SORCS3: variants seen among roughly 807,000 people sequenced by gnomAD.
The protein encoded by SORCS3 is sortilin related VPS10 domain containing receptor 3.
In SORCS3, 57 loss-of-function variants were observed where a neutral mutation model predicts 146.3. The ratio of observed to expected loss-of-function variants is 0.39; its 90% CI spans 0.31 to 0.49. The LOEUF (loss-of-function observed/expected upper bound fraction) is 0.49, where lower values mean the gene tolerates loss of function less well. Among genes scored for constraint, SORCS3 ranks in the 20% least tolerant of loss-of-function variants. The pLI, the probability that SORCS3 is intolerant of heterozygous loss-of-function variation, is 0.92. For synonymous variants in SORCS3, 653 were observed against 618.5 expected, an observed-to-expected ratio of 1.06 and a Z score of -0.83; for missense variants, 1,341 against 1,575.5, an observed-to-expected ratio of 0.85 and a Z score of 2.52.
chr10:104,655,638 G>C (rs537596496), intron 1 of SORCS3, among the ~76,000 whole-genome samples: 6 of 152,274 alleles, frequency 3.9e-5, no homozygotes, highest in Admixed American at 3.9e-4. Context: ...TTGGAGGTGG[G>C]GCTTGGTGGG....
intron 2 of SORCS3, among the ~76,000 whole-genome samples, chr10:104,879,652 G>T (rs959840755): frequency 6.6e-6 from 1 of 152,178 alleles, no homozygotes; most frequent in African/African-American, 2.4e-5. Context: ...GACTGCCTTT[G>T]TGCAAGCCAG....
rs2056140401 is a variant in SORCS3 at position 105,147,627 on chromosome 10, T to A, written c.1313T>A (p.Ile438Asn). 1 of 1,608,916 alleles carries A rather than the reference T, an allele frequency of 6.2e-7. No individual in the cohort carries two copies. The highest frequency in any genetic ancestry group is 1.3e-5 in the African/African-American group (1 of 74,666). The change falls in exon 9 of 27, where the codon ATC becomes AAC. Residue 438 changes from isoleucine to asparagine, a missense_variant. By Grantham distance (149) the Ile-to-Asn change is moderately radical. Transcript: ENST00000369701. ...PKYSLPKDMHIISTDENQVFA... is the reference protein window; with the variant it reads ...PKYSLPKDMHNISTDENQVFA... ...TCCATCTTCTTTCAGGACATGCACA[T>A]CATCAGTACAGACGAGAACCAAGTA...
chr10:105,164,228 T>A (rs2119518313), intron 11 of SORCS3, 75 bp from the exon 12 acceptor site: 1 of 1,076,702 alleles, frequency 9.3e-7, no homozygotes, highest in African/African-American at 1.6e-5. Flanking sequence ...TACTCTCTGC[T>A]CCCCCATCCC....
intron 4 of SORCS3, among the ~76,000 whole-genome samples, chr10:105,026,501 G>A (rs1490281446): frequency 2.6e-5 from 4 of 152,162 alleles, no homozygotes; most frequent in East Asian, 1.9e-4. Flanking sequence ...AAAATAAATT[G>A]TTCTACCAAA....
intron 1 of SORCS3, among the ~76,000 whole-genome samples, chr10:104,655,009 T>C (rs747947921): frequency 2.0e-5 from 3 of 152,124 alleles, no homozygotes; most frequent in Non-Finnish European, 4.4e-5. Flanking sequence ...TCCCAGCAGT[T>C]TGGGAGACCA....
In SORCS3 at chr10:104,830,885, C is replaced by T. The variant is rs115184922; in HGVS notation, c.628-11907C>T. On this transcript the variant is annotated intron_variant, in intron 1 of 26. Coordinates refer to ENST00000369701, the MANE Select transcript of SORCS3 (RefSeq NM_014978.3). ...GGAGTGCAGTGGTGCGAATGCAGCTCACTACAGCCTTGACCTCCTGGGCTC... is the reference window on the plus strand; with the variant it reads ...GGAGTGCAGTGGTGCGAATGCAGCTTACTACAGCCTTGACCTCCTGGGCTC... Among the ~76,000 whole-genome samples, 618 of 152,266 alleles carry T rather than the reference C, an allele frequency of 4.1e-3. 6 individuals are homozygous for T. Among genetic ancestry groups the T allele is most frequent in the African/African-American group, 0.015 (606 of 41,560 alleles).
chr10:105,091,285 T>TTCCTTCCTTCCTTCCC (rs1465214359), intron 6 of SORCS3, among the ~76,000 whole-genome samples: 1 of 36,814 alleles, frequency 2.7e-5, no homozygotes, highest in Non-Finnish European at 5.9e-5. Context: ...CCTTCCTTGC[T>TTCCTTCCTTCCTTCCC]TCCTTCCTTC....
At chr10:104,689,835 C>T (rs1390347210) in intron 1 of SORCS3, among the ~76,000 whole-genome samples, 3 of 152,170 alleles carry the variant, frequency 2.0e-5, no homozygotes, top group Non-Finnish European at 2.9e-5. Flanking sequence ...AAAAGGAATT[C>T]CAGCTCGGGA....
intron 1 of SORCS3, among the ~76,000 whole-genome samples, chr10:104,644,545 A>G (rs2015468405): frequency 6.6e-6 from 1 of 152,214 alleles, no homozygotes. Flanking sequence ...AAGGTGTTGT[A>G]AATAAAAGCC....
At chr10:104,986,032 T>G (rs2054960275) in intron 4 of SORCS3, among the ~76,000 whole-genome samples, 1 of 152,224 alleles carries the variant, frequency 6.6e-6, no homozygotes, top group Non-Finnish European at 1.5e-5. Flanking sequence ...TCTTCCGTCC[T>G]TTGAAGCTTT....
intron 5 of SORCS3, among the ~76,000 whole-genome samples, chr10:105,064,945 A>G (rs1329598221): frequency 2.0e-5 from 3 of 152,216 alleles, no homozygotes; most frequent in South Asian, 4.1e-4. Context: ...AATCAAGTTG[A>G]CATGTAAAAT....
At chr10:104,652,969 T>C (rs1241679849) in intron 1 of SORCS3, among the ~76,000 whole-genome samples, 1 of 152,236 alleles carries the variant, frequency 6.6e-6, no homozygotes, top group Non-Finnish European at 1.5e-5. Flanking sequence ...CATGTGCTAA[T>C]TGGAGCATGC....
chr10:104,885,838 T>C (rs1443308621), intron 2 of SORCS3, among the ~76,000 whole-genome samples: 1 of 152,178 alleles, frequency 6.6e-6, no homozygotes, highest in African/African-American at 2.4e-5. Flanking sequence ...TTTCATAATC[T>C]GAAGCTGAAT....
rs78513680 is a variant in SORCS3 at position 105,052,685 on chromosome 10, T to A, written c.1028+9557T>A. On this transcript the variant is annotated intron_variant, in intron 5 of 26. Transcript: ENST00000369701. ...AGTTGAATAGGTTGGTGGTGATGAGTTGTTCACTTCCATGAGCAGGAATAG... is the reference window on the plus strand; with the variant it reads ...AGTTGAATAGGTTGGTGGTGATGAGATGTTCACTTCCATGAGCAGGAATAG... Among the ~76,000 whole-genome samples the A allele has an allele frequency of 8.4e-3, 1,284 of 152,010 alleles. 16 individuals carry two copies. Among genetic ancestry groups the A allele is most frequent in the African/African-American group, 0.029 (1,203 of 41,462 alleles).
At chr10:105,055,046 A>G (rs1255737216) in intron 5 of SORCS3, among the ~76,000 whole-genome samples, 4 of 152,148 alleles carry the variant, frequency 2.6e-5, no homozygotes, top group Non-Finnish European at 5.9e-5. Flanking sequence ...ATTTTTTTCA[A>G]TATCCAGTTT....
chr10:105,004,014 TAC>T, intron 4 of SORCS3, among the ~76,000 whole-genome samples: 1 of 151,284 alleles, frequency 6.6e-6, no homozygotes, highest in Non-Finnish European at 1.5e-5. Flanking sequence ...TTTTTTTTTT[TAC>T]CAGAGAAGAT....
At chr10:105,079,811 T>A (rs1034016428) in intron 5 of SORCS3, among the ~76,000 whole-genome samples, 1 of 152,218 alleles carries the variant, frequency 6.6e-6, no homozygotes. Flanking sequence ...CATGTGGCAT[T>A]TGTTTTTCTG....
In SORCS3 at chr10:104,641,677, G is replaced by T; in HGVS notation, c.350G>T (p.Arg117Leu). The change falls in exon 1 of 27, where the codon CGG (arginine) becomes CTG (leucine). Residue 117 changes from arginine to leucine, a missense_variant. Transcript: ENST00000369701. The surrounding 1 kb of genome is among the most constrained non-coding windows in gnomAD (Gnocchi z 6.4). Reference sequence around the variant, plus strand: ...TCACCGGCAGGCGAGCGGCGGGGCCGGGGCATCCCAGCTCCTGCCAAGCTT... The same window carrying T: ...TCACCGGCAGGCGAGCGGCGGGGCCTGGGCATCCCAGCTCCTGCCAAGCTT... ...GTSPAGERRGRGIPAPAKLGG... is the reference protein window; with the variant it reads ...GTSPAGERRGLGIPAPAKLGG... 6.6e-7 allele frequency: 1 copy of T among 1,526,622 alleles called. No individual in the cohort carries two copies. The highest frequency in any genetic ancestry group is 2.5e-5 in the East Asian group (1 of 40,392). 94.6% of individuals were successfully genotyped at this position (1,526,622 alleles called of 1,614,324 possible). A position where few individuals can be genotyped will look rare whatever the true frequency, so the allele number is the denominator to read the frequency against.
chr10:105,183,239 A>G (rs1361274319), intron 14 of SORCS3, among the ~76,000 whole-genome samples: 1 of 152,232 alleles, frequency 6.6e-6, no homozygotes, highest in Non-Finnish European at 1.5e-5. Flanking sequence ...GACTCCTCTT[A>G]TAAATCCAGT....
Sources: gnomAD v4.1 joint callset for allele counts (sites outside exome capture counted in the v4.1 genomes callset) on GRCh38, gnomAD v4.1.1 for gene constraint, Gnocchi (gnomAD v3.1) non-coding constraint, MANE v1.5 for transcripts, NCBI Gene and HGNC (gene_info 2026-07-23, HGNC 2026-07-21) for gene names.